The following SUMF1 variants were observed in gnomAD, a reference collection of about 807,000 sequenced individuals.
SUMF1 encodes formylglycine-generating enzyme.
A neutral mutation model predicts 47.6 loss-of-function variants in SUMF1; 48 were observed. That is an observed-to-expected ratio of 1.01 (90% CI 0.80 to 1.28). SUMF1 has a LOEUF of 1.28. Ranked by LOEUF, SUMF1 falls within the 50% of genes most tolerant of loss-of-function variation. SUMF1 has a pLI of 0.00. For synonymous variants in SUMF1, 230 were observed against 192.1 expected (o/e 1.20, Z -1.63); for missense variants, 571 against 485.4 (o/e 1.18, Z -1.66).
chr3:4,310,588 A>T (rs186943036), intron 8 of SUMF1, among the ~76,000 whole-genome samples: 23 of 152,338 alleles, frequency 1.5e-4, no homozygotes, highest in African/African-American at 5.0e-4. Flanking sequence ...GGAATTAGCT[A>T]CTGTCTATAA....
chr3:4,099,069 G>C (rs1156342497), intron 8 of SUMF1, among the ~76,000 whole-genome samples: 1 of 152,088 alleles, frequency 6.6e-6, no homozygotes, highest in Non-Finnish European at 1.5e-5. Context: ...CATGAGTTAT[G>C]AGATGGCATA....
intron 8 of SUMF1, among the ~76,000 whole-genome samples, chr3:4,199,033 C>A (rs1695488251): frequency 6.6e-6 from 1 of 152,038 alleles, no homozygotes; most frequent in African/African-American, 2.4e-5. Context: ...AATTCGACCA[C>A]TTGAAGTTTA....
chr3:4,358,309 A>G (rs1364092966), downstream of SUMF1, among the ~76,000 whole-genome samples: 4 of 152,176 alleles, frequency 2.6e-5, no homozygotes, highest in Non-Finnish European at 5.9e-5. Context: ...CCATGCTTCA[A>G]TGGGGCAAGA....
chr3:4,358,489 G>T (rs918578261), downstream of SUMF1, among the ~76,000 whole-genome samples: 1 of 152,198 alleles, frequency 6.6e-6, no homozygotes, highest in East Asian at 1.9e-4. Context: ...ACAGAGAATG[G>T]AGGACAGTAG....
chr3:4,373,899 T>A (rs1005061453), intron 8 of SUMF1, among the ~76,000 whole-genome samples: 1 of 152,164 alleles, frequency 6.6e-6, no homozygotes, highest in Non-Finnish European at 1.5e-5. Context: ...AAAATCAATG[T>A]AATTCACCAT....
intron 8 of SUMF1, among the ~76,000 whole-genome samples, chr3:4,314,654 A>G (rs1171981092): frequency 6.6e-6 from 1 of 152,192 alleles, no homozygotes; most frequent in Non-Finnish European, 1.5e-5. Context: ...TCATGTATAA[A>G]TAACAGAAAA....
intron 8 of SUMF1, among the ~76,000 whole-genome samples, chr3:4,197,359 C>T (rs1383615173): frequency 1.3e-5 from 2 of 152,072 alleles, no homozygotes; most frequent in African/African-American, 4.8e-5. Context: ...CCTCAGCCTC[C>T]CAAAGTGCTG....
rs1459078186 is a variant in SUMF1 at position 4,276,706 on chromosome 3, G to GT, written c.1014+99623dup. On this transcript the variant is annotated intron_variant and NMD_transcript_variant, in intron 8 of 12. Transcript: ENST00000448413. ...TGGTTCTTGGGAACAACAAGCTACGGTATTTCTTTTTGTTTTCCTGTTTTC... is the reference window on the plus strand; with the variant it reads ...TGGTTCTTGGGAACAACAAGCTACGGTTATTTCTTTTTGTTTTCCTGTTTTC... Among the ~76,000 whole-genome samples, 5 of 152,078 alleles carry GT rather than the reference G, an allele frequency of 3.3e-5. 1 individual carries two copies. Among genetic ancestry groups the GT allele is most frequent in the Non-Finnish European group, 7.4e-5 (5 of 67,994 alleles).
chr3:4,357,581 A>T (rs546085905), downstream of SUMF1, among the ~76,000 whole-genome samples: 2 of 91,068 alleles, frequency 2.2e-5, no homozygotes, highest in South Asian at 6.0e-4. Flanking sequence ...ACCAACTTTT[A>T]TTTATTTATT....
intron 3 of SUMF1, among the ~76,000 whole-genome samples, chr3:4,420,648 G>A (rs913751422): frequency 1.8e-4 from 28 of 151,964 alleles, no homozygotes; most frequent in African/African-American, 6.5e-4. Flanking sequence ...CGCCCGCCTC[G>A]GCCTCCCAAA....
chr3:4,334,976 G>A (rs1277028726), intron 8 of SUMF1, among the ~76,000 whole-genome samples: 1 of 152,128 alleles, frequency 6.6e-6, no homozygotes, highest in African/African-American at 2.4e-5. Flanking sequence ...AGAGAGGCTG[G>A]GAAGGCAGTC....
chr3:4,340,638 G>C (rs529419027), intron 8 of SUMF1, among the ~76,000 whole-genome samples: 5 of 152,184 alleles, frequency 3.3e-5, no homozygotes, highest in Non-Finnish European at 2.9e-5. Flanking sequence ...GGAGGAGCTT[G>C]CACTAATGAA....
chr3:4,227,904 A>T (rs1432658686), intron 8 of SUMF1, among the ~76,000 whole-genome samples: 1 of 152,078 alleles, frequency 6.6e-6, no homozygotes, highest in Non-Finnish European at 1.5e-5. Context: ...GAATACAGAG[A>T]CCTAATTTAT....
At chr3:4,254,233 C>G (rs977413449) in intron 8 of SUMF1, among the ~76,000 whole-genome samples, 2 of 151,980 alleles carry the variant, frequency 1.3e-5, no homozygotes, top group East Asian at 1.9e-4. Context: ...AACACAGTTC[C>G]TCAACAGCAA....
At chr3:4,355,176 T>G (rs997553147) in intron 8 of SUMF1, among the ~76,000 whole-genome samples, 4 of 152,014 alleles carry the variant, frequency 2.6e-5, no homozygotes, top group Non-Finnish European at 5.9e-5. Context: ...ATGGAAAAAC[T>G]CCATCTCTAC....
intron 8 of SUMF1, among the ~76,000 whole-genome samples, chr3:4,270,341 C>G (rs528514452): frequency 1.3e-5 from 2 of 152,122 alleles, no homozygotes; most frequent in East Asian, 3.9e-4. Context: ...GGGAAAGTCT[C>G]TTCCTTCTTC....
chr3:4,250,324 G>A lies in SUMF1; in HGVS notation c.1014+126006C>T, dbSNP rs951627633. On this transcript the variant is annotated intron_variant and NMD_transcript_variant, in intron 8 of 12. Coordinates refer to the SUMF1 transcript ENST00000448413. ...GGAGGGAAGGAGGGAGAGAAGAAGG[G>A]AGGGAGGGAAGGAAGGGAAGGGAAA... is the stretch of plus-strand genomic sequence containing the variant. 2.7e-5 allele frequency among the ~76,000 whole-genome samples: 4 copies of A among 150,294 alleles called. No individual in the cohort carries two copies. The Admixed American group carries it at 2.7e-4, about 10-fold the overall frequency.
intron 8 of SUMF1, among the ~76,000 whole-genome samples, chr3:4,251,705 T>G (rs113108530): frequency 2.6e-5 from 4 of 152,214 alleles, no homozygotes; most frequent in Non-Finnish European, 5.9e-5. Context: ...AAATGCCAGA[T>G]AGCATCTTCT....
At chr3:4,366,902 A>C (rs1476128377) in intron 8 of SUMF1, among the ~76,000 whole-genome samples, 1 of 152,118 alleles carries the variant, frequency 6.6e-6, no homozygotes, top group African/African-American at 2.4e-5. Context: ...TTTGGTGTGG[A>C]CGTCCTTTCT....
Sources: gnomAD v4.1 joint callset for allele counts (sites outside exome capture counted in the v4.1 genomes callset) on GRCh38, gnomAD v4.1.1 for gene constraint, MANE v1.5 for transcripts, NCBI Gene and HGNC (gene_info 2026-07-23, HGNC 2026-07-21) for gene names.